BICC1: variants seen among roughly 807,000 people sequenced by gnomAD.
BICC1 encodes BicC family RNA binding protein 1.
BICC1 carries 43 observed loss-of-function variants against 111.0 expected under a neutral mutation model. That is an observed-to-expected ratio of 0.39 (90% CI 0.30 to 0.50). The LOEUF is 0.50. BICC1 is among the 20% of genes least tolerant of loss of function. The pLI is 0.88. For missense variants in BICC1, 1,091 were observed against 1,203.2 expected (o/e 0.91, Z 1.38); for synonymous variants, 467 against 434.4 (o/e 1.07, Z -0.93).
chr10:58,793,592 C>A lies in BICC1; in HGVS notation c.1156C>A (p.Pro386Thr). The A allele has an allele frequency of 6.2e-7, 1 of 1,613,744 alleles. No individual in the cohort carries two copies. The highest frequency in any genetic ancestry group is 2.2e-5 in the East Asian group (1 of 44,844). Residue 386 changes from proline (P) to threonine (T), a missense_variant, in exon 9 of 21, where the codon CCA (proline) becomes ACA (threonine). Around this residue, in one of 3 missense-constraint regions of BICC1, gnomAD observed 843 missense variants for 900.8 expected, o/e 0.94. Transcript: ENST00000373886. Reference sequence around the variant, plus strand: ...GCTTGATGTCTTCATCAGTATTAAACCAAAGCCCAAACAGCCAAGCAAGGT... The same window carrying A: ...GCTTGATGTCTTCATCAGTATTAAAACAAAGCCCAAACAGCCAAGCAAGGT... ...EQLDVFISIK[P>T]KPKQPSKSVI...
At position 58,800,221 on chromosome 10, in the gene BICC1, T is replaced by G; in HGVS notation, c.1753T>G (p.Ser585Ala). 1 of 1,607,086 alleles carries G rather than the reference T, an allele frequency of 6.2e-7. No homozygotes were observed. ...TCCAGATATAAAATATGGTGCAATA[T>G]CCACTTCATCACTTGGAGAAAAAGT... Reference protein sequence around the residue: ...QSPDIKYGAISTSSLGEKVLS... With the variant: ...QSPDIKYGAIATSSLGEKVLS... The change falls in exon 13 of 21, where the codon TCC becomes GCC. Residue 585 changes from serine (S) to alanine (A), a missense_variant. Physicochemically the swap from Ser to Ala is moderately conservative, Grantham distance 99 (BLOSUM62 1). Coordinates refer to ENST00000373886, the MANE Select transcript of BICC1 (RefSeq NM_001080512.3).
At position 58,611,518 on chromosome 10, in the gene BICC1, C is replaced by G. The variant is rs181385211; in HGVS notation, c.191-9337C>G. ...TGAGACAGAATCTCGCACTGTTGCC[C>G]GGGCTGGAGTACAGTGTCATGATTT... On this transcript the variant is annotated intron_variant, in intron 1 of 20. Transcript: ENST00000373886. 1.3e-3 allele frequency among the ~76,000 whole-genome samples: 196 copies of G among 151,104 alleles called. 3 individuals are homozygous for G. The East Asian group carries it at 0.034, about 26-fold the overall frequency.
chr10:58,644,823 A>C (rs1373120089), intron 2 of BICC1, among the ~76,000 whole-genome samples: 1 of 152,168 alleles, frequency 6.6e-6, no homozygotes, highest in Non-Finnish European at 1.5e-5. Flanking sequence ...TTTAAGTTAA[A>C]AGCAGTGATA....
chr10:58,673,739 A>G (rs1199991345), intron 2 of BICC1, among the ~76,000 whole-genome samples: 3 of 150,950 alleles, frequency 2.0e-5, no homozygotes, highest in Admixed American at 2.0e-4. Context: ...CTCCTGCCTC[A>G]GCTTCCCCGA....
intron 3 of BICC1, among the ~76,000 whole-genome samples, chr10:58,716,691 A>AATGAATCTTT (rs1564571347): frequency 2.6e-5 from 4 of 151,740 alleles, no homozygotes; most frequent in African/African-American, 9.7e-5. Context: ...TTACATTAAT[A>AATGAATCTTT]TTTCAAAACC....
At chr10:58,632,153 A>G (rs1041016496) in intron 2 of BICC1, among the ~76,000 whole-genome samples, 1 of 152,204 alleles carries the variant, frequency 6.6e-6, no homozygotes, top group Non-Finnish European at 1.5e-5. Flanking sequence ...ATGATGGGCT[A>G]CCTCATAATC....
At chr10:58,512,796 G>C (rs1383156344), upstream of BICC1, among the ~76,000 whole-genome samples, 1 of 150,846 alleles carries the variant, frequency 6.6e-6, no homozygotes, top group African/African-American at 2.4e-5. Flanking sequence ...GCCAATGAGC[G>C]CGCGGCTGTA....
intron 2 of BICC1, among the ~76,000 whole-genome samples, chr10:58,683,519 A>T (rs12763150): frequency 0.01 from 1,587 of 152,256 alleles, 16 homozygotes; most frequent in Admixed American, 0.016. Context: ...ATGAGCATGG[A>T]ATGTTCTTCC....
intron 2 of BICC1, among the ~76,000 whole-genome samples, chr10:58,627,241 A>G (rs186845145): frequency 1.3e-5 from 2 of 152,382 alleles, no homozygotes; most frequent in African/African-American, 2.4e-5. Context: ...ACCAAACTCA[A>G]TGCATTGGAT....
At chr10:58,563,108 C>G (rs1843656046) in intron 1 of BICC1, among the ~76,000 whole-genome samples, 1 of 152,140 alleles carries the variant, frequency 6.6e-6, no homozygotes, top group Non-Finnish European at 1.5e-5. Flanking sequence ...AGGGTGGCAT[C>G]ATTGTGCTGC....
At chr10:58,591,567 GA>G in intron 1 of BICC1, among the ~76,000 whole-genome samples, 1 of 152,264 alleles carries the variant, frequency 6.6e-6, no homozygotes, top group African/African-American at 2.4e-5. Flanking sequence ...ACCTCCTGAA[GA>G]CCCCACCTAT....
At chr10:58,803,653 A>ATT (rs1394723115) in intron 15 of BICC1, among the ~76,000 whole-genome samples, 3 of 152,234 alleles carry the variant, frequency 2.0e-5, no homozygotes, top group African/African-American at 7.2e-5. Context: ...ATTTAAAGAT[A>ATT]GTTATGAGAA....
chr10:58,811,868 G>C lies in BICC1; in HGVS notation c.2377-1962G>C, dbSNP rs561988569. Among the ~76,000 whole-genome samples the C allele has an allele frequency of 1.2e-3, 180 of 152,232 alleles. 1 individual carries two copies. Among genetic ancestry groups the C allele is most frequent in the Admixed American group, 1.8e-3 (28 of 15,282 alleles). Reference sequence around the variant, plus strand: ...CTGGGGAAAGAGTAGTAGGCCAAGGGAACAACTGGCACGATCACCCCAGAG... The same window carrying C: ...CTGGGGAAAGAGTAGTAGGCCAAGGCAACAACTGGCACGATCACCCCAGAG... On this transcript the variant is annotated intron_variant, in intron 17 of 20. Transcript: ENST00000373886.
chr10:58,670,544 TG>T (rs1034343589), intron 2 of BICC1, among the ~76,000 whole-genome samples: 2 of 152,156 alleles, frequency 1.3e-5, no homozygotes, highest in Non-Finnish European at 2.9e-5. Context: ...ACTTTGGGTC[TG>T]ATCACATGGG....
chr10:58,609,165 A>G (rs531117580), intron 1 of BICC1, among the ~76,000 whole-genome samples: 93 of 152,348 alleles, frequency 6.1e-4, no homozygotes, highest in African/African-American at 2.1e-3. Flanking sequence ...GCTGGGCCAA[A>G]GCTGGATATT....
chr10:58,712,716 G>A (rs544640968), intron 3 of BICC1, among the ~76,000 whole-genome samples: 1 of 152,298 alleles, frequency 6.6e-6, no homozygotes, highest in Admixed American at 6.5e-5. Context: ...GGGAAAAATA[G>A]GCAGAGCACA....
At chr10:58,593,608 A>G (rs1229214330) in intron 1 of BICC1, among the ~76,000 whole-genome samples, 1 of 152,138 alleles carries the variant, frequency 6.6e-6, no homozygotes, top group Non-Finnish European at 1.5e-5. Context: ...CAGGGTCGGG[A>G]GTGGACCTCC....
chr10:58,546,953 G>T (rs1364894332), intron 1 of BICC1, among the ~76,000 whole-genome samples: 4 of 152,048 alleles, frequency 2.6e-5, no homozygotes, highest in Admixed American at 2.0e-4. Flanking sequence ...CCTAATGGAG[G>T]TTTCTTATTT....
intron 2 of BICC1, among the ~76,000 whole-genome samples, chr10:58,658,938 T>G (rs1838750942): frequency 6.6e-6 from 1 of 152,158 alleles, no homozygotes; most frequent in African/African-American, 2.4e-5. Context: ...GTGTAATTGG[T>G]TCTGCACCCT....
Sources: allele counts gnomAD v4.1 joint callset (sites outside exome capture counted in the v4.1 genomes callset), GRCh38; gene constraint gnomAD v4.1.1; regional missense constraint gnomAD v4.1.1; transcripts MANE v1.5; gene names NCBI Gene and HGNC (gene_info 2026-07-23, HGNC 2026-07-21).